CEACAM4: variants seen among roughly 807,000 people sequenced by gnomAD.
CEACAM4 encodes cell adhesion molecule CEACAM4.
A neutral mutation model predicts 28.7 loss-of-function variants in CEACAM4; 30 were observed. The ratio of observed to expected loss-of-function variants is 1.05; its 90% CI spans 0.78 to 1.42. The LOEUF is 1.42. Among genes scored for constraint, CEACAM4 ranks in the 40% most tolerant of loss-of-function variants. The pLI is 0.00. For synonymous variants in CEACAM4, 143 were observed against 126.5 expected (o/e 1.13, Z -0.87); for missense variants, 330 against 308.2 (o/e 1.07, Z -0.53).
intron 2 of CEACAM4, among the ~76,000 whole-genome samples, chr19:41,624,266 C>G (rs1431820595): frequency 1.3e-5 from 2 of 152,204 alleles, no homozygotes; most frequent in Non-Finnish European, 2.9e-5. Context: ...TTCCCTCCCT[C>G]CTTCATGAGA....
chr19:41,622,139 G>A (rs967875016), intron 2 of CEACAM4, among the ~76,000 whole-genome samples: 3 of 151,568 alleles, frequency 2.0e-5, no homozygotes, highest in Non-Finnish European at 2.9e-5. Context: ...GTGCACTGAC[G>A]CAATCTCGGC....
intron 4 of CEACAM4, 101 bp downstream of exon 4, chr19:41,620,474 C>A: frequency 9.6e-7 from 1 of 1,039,018 alleles, no homozygotes; most frequent in Non-Finnish European, 1.4e-6. Context: ...CTCCTTGCAG[C>A]CCCAAAGAAA....
Position 41,626,956 on chromosome 19 carries a change from G to C in CEACAM4, c.8C>G (p.Pro3Arg), listed in dbSNP as rs1050639825. The change falls in exon 1 of 7, where the codon CCC becomes CGC. Residue 3 changes from proline (P) to arginine (R), a missense_variant. Coordinates refer to ENST00000221954, the MANE Select transcript of CEACAM4 (RefSeq NM_001817.4). MG[P>R]PSAAPRGGHR... Reference sequence around the variant, plus strand: ...CCCTCCACGGGGAGCGGCTGAGGGGGGGCCCATGGTCTCTGCTGCCTGCTT... The same window carrying C: ...CCCTCCACGGGGAGCGGCTGAGGGGCGGCCCATGGTCTCTGCTGCCTGCTT... 1 of 1,604,730 alleles carries C rather than the reference G, an allele frequency of 6.2e-7. No homozygotes were observed. Among genetic ancestry groups the C allele is most frequent in the Non-Finnish European group, 8.5e-7 (1 of 1,175,234 alleles).
intron 4 of CEACAM4, 80 bp downstream of exon 4, chr19:41,620,494 GC>G: frequency 8.1e-7 from 1 of 1,231,012 alleles, no homozygotes; most frequent in Non-Finnish European, 1.1e-6. Context: ...AGGGTCAGAG[GC>G]CCCCAGGGGG....
chr19:41,626,659 C>T lies in CEACAM4; in HGVS notation c.64+241G>A, dbSNP rs570818931. Among the ~76,000 whole-genome samples the T allele has an allele frequency of 5.3e-5, 8 of 152,268 alleles. No individual in the cohort carries two copies. In the East Asian group the frequency reaches 7.7e-4, roughly 15 times the overall value. ...AGTGGCCAGTGATGATTAACCAGGA[C>T]GAGAGAACACTTGAGATTTTCCTGC... is the stretch of plus-strand genomic sequence containing the variant. On this transcript the variant is annotated intron_variant, in intron 1 of 6. Coordinates refer to ENST00000221954, the MANE Select transcript of CEACAM4 (RefSeq NM_001817.4).
At chr19:41,622,046 C>G (rs782494330) in intron 2 of CEACAM4, among the ~76,000 whole-genome samples, 1 of 152,038 alleles carries the variant, frequency 6.6e-6, no homozygotes, top group South Asian at 2.1e-4. Context: ...CCTTCTTCCT[C>G]TCATGTCACA....
rs782106093 is a variant in CEACAM4, at chr19:41,619,329, C to T, written c.*1G>A. The stretch of plus-strand genomic sequence containing the variant: ...CCCACAAGAGCAGCTCCCAGAGGAA[C>T]CTAAGAGACCACATCTGCTTTGTGG... On this transcript the variant is annotated 3_prime_UTR_variant, in exon 7 of 7. Transcript: ENST00000221954. 9.9e-6 allele frequency: 16 copies of T among 1,613,436 alleles called. No homozygotes were observed. The Admixed American group carries it at 2.5e-4, about 25-fold the overall frequency.
chr19:41,626,095 T>C, intron 1 of CEACAM4, 135 bp from the exon 2 acceptor site: 6 of 621,090 alleles, frequency 9.7e-6, no homozygotes, highest in East Asian at 8.4e-5. Context: ...TGTGTGTGTG[T>C]GTGTGTGTGT....
chr19:41,616,599 T>C (rs1453972931), downstream of CEACAM4, among the ~76,000 whole-genome samples: 1 of 151,882 alleles, frequency 6.6e-6, no homozygotes, highest in Non-Finnish European at 1.5e-5. Flanking sequence ...TATTTGCCTA[T>C]GGAAAGAACA....
downstream of CEACAM4, among the ~76,000 whole-genome samples, chr19:41,614,111 G>A (rs2122385611): frequency 6.6e-6 from 1 of 152,258 alleles, no homozygotes; most frequent in Middle Eastern, 3.4e-3. Flanking sequence ...TTTTTCATTG[G>A]TTCCATTGCA....
downstream of CEACAM4, among the ~76,000 whole-genome samples, chr19:41,615,377 G>A (rs2070972629): frequency 6.6e-6 from 1 of 152,046 alleles, no homozygotes; most frequent in African/African-American, 2.4e-5. Context: ...GAGGGATGAG[G>A]ACACCCCTGC....
chr19:41,621,663 G>A lies in CEACAM4; in HGVS notation c.530C>T (p.Ser177Phe), dbSNP rs782687928. 1 of 1,598,788 alleles carries A rather than the reference G, an allele frequency of 6.3e-7. No individual in the cohort carries two copies. The highest frequency in any genetic ancestry group is 8.6e-7 in the Non-Finnish European group (1 of 1,166,182). Residue 177 changes from serine (S) to phenylalanine (F), a missense_variant, in exon 3 of 7, where the codon TCC becomes TTC. Coordinates refer to ENST00000221954, the MANE Select transcript of CEACAM4 (RefSeq NM_001817.4). The stretch of plus-strand genomic sequence containing the variant: ...AAAGCTGCGGTACCTTCCAGTCCTG[G>A]AGAGAAGCAGAAAACACACCAGGGC... ...VAALVCFLLL[S>F]RTGRASIQRD... is the part of the protein sequence containing the mutation.
downstream of CEACAM4, among the ~76,000 whole-genome samples, chr19:41,617,142 A>G (rs116264496): frequency 7.0e-4 from 107 of 152,254 alleles, 1 homozygote; most frequent in African/African-American, 2.3e-3. Context: ...AATTAGCCTC[A>G]CTGAGTCACT....
chr19:41,620,958 A>G (rs782554682), intron 3 of CEACAM4, among the ~76,000 whole-genome samples: 8 of 151,992 alleles, frequency 5.3e-5, no homozygotes, highest in Admixed American at 2.6e-4. Flanking sequence ...CCCAGAGGGA[A>G]AGCAGGGCCG....
chr19:41,625,716 G>A lies in CEACAM4; in HGVS notation c.309C>T (p.Pro103=), dbSNP rs1555803635. Residue 103 remains proline, a synonymous_variant, in exon 2 of 7, where the codon CCC becomes CCT. Transcript: ENST00000221954. ...AAYSGRETVY[P]NGSLLFQNIT... ...TGTTTTGGAACAGCAGGGATCCATT[G>A]GGGTATACTGTCTCTCGACCACTGT... is the stretch of plus-strand genomic sequence containing the variant. 1 of 1,614,064 alleles carries A rather than the reference G, an allele frequency of 6.2e-7. No homozygotes were observed. The highest frequency in any genetic ancestry group is 2.2e-5 in the East Asian group (1 of 44,868).
chr19:41,619,575 A>AT, intron 6 of CEACAM4, 95 bp downstream of exon 6: 1 of 1,555,550 alleles, frequency 6.4e-7, no homozygotes, highest in Non-Finnish European at 8.7e-7. Flanking sequence ...TTTTCACTGC[A>AT]TTTTCCTGAA....
chr19:41,624,690 C>A (rs1431597286), intron 2 of CEACAM4, among the ~76,000 whole-genome samples: 2 of 152,214 alleles, frequency 1.3e-5, no homozygotes, highest in East Asian at 1.9e-4. Flanking sequence ...ACTCTGCCAG[C>A]TGCGATCTGC....
chr19:41,622,853 T>C (rs76741085), intron 2 of CEACAM4, among the ~76,000 whole-genome samples: 1 of 132,244 alleles, frequency 7.6e-6, no homozygotes, highest in Non-Finnish European at 1.6e-5. Context: ...TATACATATA[T>C]ATAGATAGAT....
chr19:41,619,687 C>A lies in CEACAM4; in HGVS notation c.652G>T (p.Ala218Ser). ...FSAPLPSPRTATPIYEELLYS... is the reference protein window; with the variant it reads ...FSAPLPSPRTSTPIYEELLYS... ...ACACTCACCTCATAGATGGGAGTGG[C>A]TGTTCTGGGGCTGGGTAGAGGGGCC... is the stretch of plus-strand genomic sequence containing the variant. The change falls in exon 6 of 7, where the codon GCC (alanine) becomes TCC (serine). Residue 218 changes from alanine to serine, a missense_variant. Transcript: ENST00000221954. The A allele has an allele frequency of 6.3e-7, 1 of 1,593,456 alleles. No homozygotes were observed. Among genetic ancestry groups the A allele is most frequent in the Non-Finnish European group, 8.6e-7 (1 of 1,169,164 alleles).
Sources: gnomAD v4.1 joint callset for allele counts (sites outside exome capture counted in the v4.1 genomes callset) on GRCh38, gnomAD v4.1.1 for gene constraint, MANE v1.5 for transcripts, NCBI Gene and HGNC (gene_info 2026-07-23, HGNC 2026-07-21) for gene names.